NXPE2: variants seen among roughly 807,000 people sequenced by gnomAD.
NXPE2 encodes the protein neurexophilin and PC-esterase domain family member 2, also known as NXPE family member 2.
In NXPE2, 34 loss-of-function variants were observed where a neutral mutation model predicts 34.4. The observed-to-expected ratio is 0.99, with a 90% CI of 0.75 to 1.31. The LOEUF (loss-of-function observed/expected upper bound fraction) is 1.31, where lower values mean the gene tolerates loss of function less well. Among genes scored for constraint, NXPE2 ranks in the 40% most tolerant of loss-of-function variants. The pLI, the probability that NXPE2 is intolerant of heterozygous loss-of-function variation, is 0.00. For synonymous variants in NXPE2, 235 were observed against 231.3 expected, an observed-to-expected ratio of 1.02 and a Z score of -0.15; for missense variants, 649 against 672.5, an observed-to-expected ratio of 0.97 and a Z score of 0.39.
the NXPE2 span, among the ~76,000 whole-genome samples, chr11:114,628,489 C>T: frequency 1.3e-4 from 20 of 151,938 alleles, no homozygotes; most frequent in African/African-American, 2.9e-4. Context: ...AAAGACACAA[C>T]GTACCAGAAT....
the NXPE2 span, among the ~76,000 whole-genome samples, chr11:114,590,786 T>G: frequency 6.6e-6 from 1 of 152,356 alleles, no homozygotes; most frequent in African/African-American, 2.4e-5. Context: ...CTACTGGTAC[T>G]GGAGGTCATC....
chr11:114,504,226 TG>T, the NXPE2 span, among the ~76,000 whole-genome samples: 1 of 152,156 alleles, frequency 6.6e-6, no homozygotes, highest in Non-Finnish European at 1.5e-5. Context: ...GACAAATCTT[TG>T]GCCAGCACAG....
the NXPE2 span, chr11:114,583,073 A>G: frequency 6.5e-7 from 1 of 1,537,842 alleles, no homozygotes. Flanking sequence ...AGCATATCTG[A>G]ACTGAAATGA....
At chr11:114,632,265 A>G in the NXPE2 span, among the ~76,000 whole-genome samples, 3 of 139,346 alleles carry the variant, frequency 2.2e-5, no homozygotes, top group Admixed American at 1.6e-4. Flanking sequence ...TGTATAATAT[A>G]TATGTATATA....
the NXPE2 span, among the ~76,000 whole-genome samples, chr11:114,763,957 AC>A: frequency 1.3e-5 from 2 of 152,150 alleles, no homozygotes; most frequent in South Asian, 4.2e-4. Context: ...GATGCTATGC[AC>A]CATTCATCTT....
chr11:114,648,099 C>A, the NXPE2 span, among the ~76,000 whole-genome samples: 1 of 152,068 alleles, frequency 6.6e-6, no homozygotes, highest in Non-Finnish European at 1.5e-5. Context: ...TGAGACAGAG[C>A]TCCAAAAACC....
the NXPE2 span, among the ~76,000 whole-genome samples, chr11:114,556,746 T>C: frequency 6.6e-6 from 1 of 152,132 alleles, no homozygotes; most frequent in African/African-American, 2.4e-5. Context: ...ATTAGTCTCA[T>C]CTAAGCCACT....
chr11:114,734,966 C>G, the NXPE2 span, among the ~76,000 whole-genome samples: 1 of 152,082 alleles, frequency 6.6e-6, no homozygotes, highest in Non-Finnish European at 1.5e-5. Context: ...AAAAATTAGC[C>G]GGGCATGGTG....
chr11:114,768,039 A>C, the NXPE2 span, among the ~76,000 whole-genome samples: 3 of 152,144 alleles, frequency 2.0e-5, no homozygotes, highest in African/African-American at 7.2e-5. Flanking sequence ...TCCCTAGCAA[A>C]GAACCTGGAA....
At chr11:114,780,115 T>C in the NXPE2 span, among the ~76,000 whole-genome samples, 5,949 of 152,264 alleles carry the variant, frequency 0.039, 140 homozygotes, top group East Asian at 0.14. Flanking sequence ...GATGCTTCAA[T>C]TGGATTATTG....
the NXPE2 span, among the ~76,000 whole-genome samples, chr11:114,649,384 T>G: frequency 3.3e-5 from 5 of 152,142 alleles, no homozygotes; most frequent in Non-Finnish European, 1.5e-5. Context: ...ATGAACACAA[T>G]GAAGTAATAT....
the NXPE2 span, among the ~76,000 whole-genome samples, chr11:114,626,142 A>G: frequency 1.3e-5 from 2 of 152,136 alleles, no homozygotes; most frequent in African/African-American, 4.8e-5. Context: ...TAAACAAAGC[A>G]GCCGGGAAGC....
chr11:114,498,772 TTGAC>T, the NXPE2 span, among the ~76,000 whole-genome samples: 2 of 152,136 alleles, frequency 1.3e-5, no homozygotes, highest in Admixed American at 1.3e-4. Context: ...GACTAATTAA[TTGAC>T]TGGTGTTTTT....
At chr11:114,529,649 A>T in the NXPE2 span, 1 of 158,972 alleles carries the variant, frequency 6.3e-6, no homozygotes, top group Non-Finnish European at 1.4e-5. Context: ...ATATCTGATC[A>T]TGGGATCAAC....
chr11:114,552,433 G>A, the NXPE2 span, among the ~76,000 whole-genome samples: 14 of 152,192 alleles, frequency 9.2e-5, no homozygotes, highest in Admixed American at 7.2e-4. Flanking sequence ...AGCATTCCAT[G>A]TCCAGTGTCT....
chr11:114,590,993 A>G, the NXPE2 span, among the ~76,000 whole-genome samples: 1 of 152,174 alleles, frequency 6.6e-6, no homozygotes, highest in South Asian at 2.1e-4. Flanking sequence ...AAAACTGGGG[A>G]ACCTGAACAT....
the NXPE2 span, among the ~76,000 whole-genome samples, chr11:114,563,931 A>C: frequency 2.0e-5 from 3 of 152,190 alleles, no homozygotes; most frequent in Non-Finnish European, 4.4e-5. Context: ...AAAGAACTAA[A>C]AGTAGATATA....
the NXPE2 span, among the ~76,000 whole-genome samples, chr11:114,633,132 T>G: frequency 8.0e-6 from 1 of 124,468 alleles, no homozygotes; most frequent in Non-Finnish European, 1.6e-5. Flanking sequence ...AATTTATATT[T>G]CATATATTAT....
chr11:114,712,651 T>C, the NXPE2 span, among the ~76,000 whole-genome samples: 3 of 152,176 alleles, frequency 2.0e-5, no homozygotes, highest in African/African-American at 7.2e-5. Flanking sequence ...AGTTGGAACC[T>C]TTGTGCACTG....
Sources: allele counts gnomAD v4.1 joint callset (sites outside exome capture counted in the v4.1 genomes callset), GRCh38; gene constraint gnomAD v4.1.1; transcripts MANE v1.5; gene names NCBI Gene and HGNC (gene_info 2026-07-23, HGNC 2026-07-21).